The following SP3 variants were observed in gnomAD, a reference collection of about 807,000 sequenced individuals.
SP3 encodes transcription factor Sp3.
Under a neutral mutation model 70.3 loss-of-function variants are expected in SP3, and 10 were observed. The observed-to-expected ratio is 0.14, with a 90% CI of 0.09 to 0.24. The LOEUF is 0.24. Ranked by LOEUF, SP3 falls within the 10% of genes least tolerant of loss-of-function variation. The pLI, the probability that SP3 is intolerant of heterozygous loss-of-function variation, is 1.00. For synonymous variants in SP3, 402 were observed against 333.5 expected (o/e 1.21, Z -2.24); for missense variants, 825 against 914.6 (o/e 0.90, Z 1.26).
rs962471458 is a variant in SP3, at chr2:173,903,388, C to A, written c.*6553G>T. Among the ~76,000 whole-genome samples the A allele has an allele frequency of 1.3e-5, 2 of 152,150 alleles. No individual in the cohort carries two copies. Among genetic ancestry groups the A allele is most frequent in the South Asian group, 4.1e-4 (2 of 4,828 alleles). On this transcript the variant is annotated 3_prime_UTR_variant, in exon 7 of 7. Coordinates refer to ENST00000310015, the MANE Select transcript of SP3 (RefSeq NM_003111.5). ...GGTGGTAAGCGGCAGAACTGGGAGA[C>A]AAGCAAGCCCATGTGTGTCTAAGTC...
At chr2:173,953,500 T>C (rs577339500) in intron 4 of SP3, among the ~76,000 whole-genome samples, 1 of 151,798 alleles carries the variant, frequency 6.6e-6, no homozygotes, top group East Asian at 2.0e-4. Context: ...TCCCAGCACT[T>C]TGGGAGGCCA....
intron 4 of SP3, among the ~76,000 whole-genome samples, chr2:173,945,101 C>T (rs1559103703): frequency 6.6e-6 from 1 of 152,212 alleles, no homozygotes; most frequent in Admixed American, 6.5e-5. Flanking sequence ...ATTAAATACA[C>T]TTCAGGTTGA....
At position 173,904,378 on chromosome 2, in the gene SP3, T is replaced by C. The variant is rs1268278069; in HGVS notation, c.*5563A>G. Among the ~76,000 whole-genome samples the C allele has an allele frequency of 6.6e-6, 1 of 152,170 alleles. No individual in the cohort carries two copies. The highest frequency in any genetic ancestry group is 1.5e-5 in the Non-Finnish European group (1 of 68,018). On this transcript the variant is annotated 3_prime_UTR_variant, in exon 7 of 7. Transcript: ENST00000310015. ...TGTACCTCAGTTGTCTTAGTTGGCA[T>C]TATTTGGTAGCAAGTAACAGCCTTC...
intron 4 of SP3, among the ~76,000 whole-genome samples, chr2:173,929,131 T>C (rs1326970038): frequency 1.3e-5 from 2 of 152,198 alleles, no homozygotes; most frequent in Non-Finnish European, 2.9e-5. Flanking sequence ...AAGGTTGCCT[T>C]GCCAAAGGTG....
intron 4 of SP3, among the ~76,000 whole-genome samples, chr2:173,945,058 C>G (rs954292620): frequency 1.3e-5 from 2 of 152,168 alleles, no homozygotes; most frequent in Admixed American, 6.6e-5. Flanking sequence ...TATATCAGAA[C>G]AAGTAAATGG....
intron 4 of SP3, among the ~76,000 whole-genome samples, chr2:173,934,008 G>A (rs1690147130): frequency 6.6e-6 from 1 of 151,982 alleles, no homozygotes; most frequent in South Asian, 2.1e-4. Flanking sequence ...GAGGTGGGAG[G>A]ATAGCTTGAG....
In SP3 at chr2:173,913,355, T is replaced by G. The variant is rs543809305; in HGVS notation, c.1833-89A>C. The G allele has an allele frequency of 1.3e-4, 123 of 971,826 alleles. 1 individual carries two copies. In the East Asian group the frequency reaches 3.7e-3, roughly 30 times the overall value. The allele number at this position is 971,826 out of a possible 1,614,324, so 60.2% of individuals were successfully genotyped here. On this transcript the variant is annotated intron_variant, in intron 5 of 6. Transcript: ENST00000310015. ...ACATCATATATCCCCATGTTGAATT[T>G]TAAATAGAAGACATTATCATTACAA...
intron 4 of SP3, among the ~76,000 whole-genome samples, chr2:173,946,394 T>C (rs535874490): frequency 6.6e-6 from 1 of 152,104 alleles, no homozygotes; most frequent in Non-Finnish European, 1.5e-5. Context: ...TTCTCCCACC[T>C]CAACCTCCGG....
chr2:173,904,341 G>A lies in SP3; in HGVS notation c.*5600C>T, dbSNP rs568250362. Among the ~76,000 whole-genome samples the A allele has an allele frequency of 5.3e-5, 8 of 152,236 alleles. No homozygotes were observed. The highest frequency in any genetic ancestry group is 2.1e-4 in the South Asian group (1 of 4,824). ...AGTCATCAACTCTATGGTGTTTTAC[G>A]AGAGAATATACTGTACCTCAGTTGT... On this transcript the variant is annotated 3_prime_UTR_variant, in exon 7 of 7. Coordinates refer to ENST00000310015, the MANE Select transcript of SP3 (RefSeq NM_003111.5).
chr2:173,963,548 G>C (rs774091139), intron 3 of SP3, among the ~76,000 whole-genome samples: 42 of 152,130 alleles, frequency 2.8e-4, no homozygotes, highest in Non-Finnish European at 5.0e-4. Flanking sequence ...AAGATTTTGC[G>C]CGAGGTGCTG....
chr2:173,918,724 G>A lies in SP3; in HGVS notation c.1701C>T (p.Thr567=). 6.2e-7 allele frequency: 1 copy of A among 1,613,504 alleles called. No homozygotes were observed. The highest frequency in any genetic ancestry group is 8.5e-7 in the Non-Finnish European group (1 of 1,179,678). Residue 567 remains threonine (T), a synonymous_variant, in exon 5 of 7, where the codon ACC becomes ACT. Coordinates refer to ENST00000310015, the MANE Select transcript of SP3 (RefSeq NM_003111.5). ...PEEWQLSGDS[T]LNTNDLTHLR... is the part of the protein sequence containing the mutation. ...AGTGTGTTAGGTCATTGGTATTCAA[G>A]GTAGAATCACCACTGAGCTGCCACT...
Position 173,959,356 on chromosome 2 carries a change from A to G in SP3, c.280-3124T>C, listed in dbSNP as rs1361071653. ...AGAAAATCATCTGAGACCAAAAAAA[A>G]AAAAAAGTTTGAAAAATGTTTGATG... On this transcript the variant is annotated intron_variant, in intron 3 of 6. Coordinates refer to ENST00000310015, the MANE Select transcript of SP3 (RefSeq NM_003111.5). Among the ~76,000 whole-genome samples, 5 of 152,170 alleles carry G rather than the reference A, an allele frequency of 3.3e-5. No homozygotes were observed. The East Asian group carries it at 9.6e-4, about 29-fold the overall frequency.
At chr2:173,922,254 G>A (rs144276875) in intron 4 of SP3, among the ~76,000 whole-genome samples, 4 of 151,896 alleles carry the variant, frequency 2.6e-5, no homozygotes, top group East Asian at 3.9e-4. Flanking sequence ...ATCATGTGAG[G>A]AGCAAGAACA....
chr2:173,946,721 C>CTT (rs35419725), intron 4 of SP3, among the ~76,000 whole-genome samples: 3,295 of 129,224 alleles, frequency 0.025, 111 homozygotes, highest in African/African-American at 0.072. Context: ...AAAGATCTGC[C>CTT]TTTTTTTTTT....
In SP3 at chr2:173,955,648, T is replaced by G. The variant is rs1281641523; in HGVS notation, c.864A>C (p.Ala288=). Residue 288 remains alanine, a synonymous_variant, in exon 4 of 7, where the codon GCA becomes GCC. Transcript: ENST00000310015. ...TCAAATGTCCGTCGGCATTAATGCC[T>G]GCAGTCATTGTCTGAGAACTGCCCG... ...GLSGSSQTMT[A]GINADGHLIN... is the part of the protein sequence containing the mutation. 1.2e-6 allele frequency: 2 copies of G among 1,614,104 alleles called. No individual in the cohort carries two copies. The highest frequency in any genetic ancestry group is 2.7e-5 in the African/African-American group (2 of 74,952).
intron 4 of SP3, among the ~76,000 whole-genome samples, chr2:173,942,509 T>C (rs1303953993): frequency 6.6e-6 from 1 of 152,138 alleles, no homozygotes; most frequent in Non-Finnish European, 1.5e-5. Context: ...GAAGTTACAG[T>C]CAGCCAAGAT....
At chr2:173,965,402 T>C, upstream of SP3, 2 of 562,196 alleles carry the variant, frequency 3.6e-6, no homozygotes, top group Non-Finnish European at 6.3e-6. Context: ...GCCCCTCTTC[T>C]TGGCTCTCAT....
At chr2:173,963,977 C>A in intron 2 of SP3, 94 bp from the exon 3 acceptor site, 3 of 832,904 alleles carry the variant, frequency 3.6e-6, no homozygotes, top group Non-Finnish European at 5.1e-6. Flanking sequence ...CGACTCGGTC[C>A]CCGCCGACTG....
intron 4 of SP3, among the ~76,000 whole-genome samples, chr2:173,921,629 T>A (rs1689756808): frequency 6.6e-6 from 1 of 152,112 alleles, no homozygotes; most frequent in South Asian, 2.1e-4. Flanking sequence ...AGTGGGAGAA[T>A]CACTTGAGCC....
Sources: allele counts gnomAD v4.1 joint callset (sites outside exome capture counted in the v4.1 genomes callset), GRCh38; gene constraint gnomAD v4.1.1; transcripts MANE v1.5; gene names NCBI Gene and HGNC (gene_info 2026-07-23, HGNC 2026-07-21).